HSD17B12: variants seen among roughly 807,000 people sequenced by gnomAD.
The protein encoded by HSD17B12 is hydroxysteroid 17-beta dehydrogenase 12.
A neutral mutation model predicts 39.3 loss-of-function variants in HSD17B12; 32 were observed. The observed-to-expected ratio is 0.81, with a 90% CI of 0.61 to 1.09. HSD17B12 has a LOEUF of 1.09. Among genes scored for constraint, HSD17B12 ranks in the 50% least tolerant of loss-of-function variants. The pLI, the probability that HSD17B12 is intolerant of heterozygous loss-of-function variation, is 0.00. For missense variants in HSD17B12, 342 were observed against 382.9 expected (o/e 0.89, Z 0.89); for synonymous variants, 150 against 146.7 (o/e 1.02, Z -0.16).
At chr11:43,844,301 T>G (rs1040148540) in intron 9 of HSD17B12, among the ~76,000 whole-genome samples, 1 of 152,240 alleles carries the variant, frequency 6.6e-6, no homozygotes. Flanking sequence ...ACTTCTTAAC[T>G]TCTTTCCTAT....
the HSD17B12 span, chr11:43,570,170 C>T: frequency 6.6e-6 from 1 of 152,558 alleles, no homozygotes; most frequent in Non-Finnish European, 1.5e-5. Flanking sequence ...AATGAAGGGA[C>T]CCAGGGTGTA....
upstream of HSD17B12, among the ~76,000 whole-genome samples, chr11:43,676,319 G>T (rs1590648981): frequency 6.6e-6 from 1 of 151,908 alleles, no homozygotes; most frequent in Non-Finnish European, 1.5e-5. Flanking sequence ...CGAATAGGCA[G>T]GTGGATATAT....
At chr11:43,691,476 A>C (rs1013312970) in intron 1 of HSD17B12, among the ~76,000 whole-genome samples, 1 of 152,176 alleles carries the variant, frequency 6.6e-6, no homozygotes, top group Non-Finnish European at 1.5e-5. Flanking sequence ...TTTCCTTTGC[A>C]CATCTAGACA....
chr11:43,837,042 CT>C (rs1251668148), intron 7 of HSD17B12, among the ~76,000 whole-genome samples: 2 of 152,070 alleles, frequency 1.3e-5, no homozygotes, highest in African/African-American at 4.8e-5. Context: ...CTAATAAGGA[CT>C]TCTGTTAAAC....
the HSD17B12 span, among the ~76,000 whole-genome samples, chr11:43,639,616 C>T: frequency 2.0e-5 from 3 of 151,998 alleles, no homozygotes; most frequent in Non-Finnish European, 2.9e-5. Context: ...ATAGAAGGAA[C>T]CTCTGCTTAG....
At chr11:43,767,265 A>G (rs1015930568) in intron 3 of HSD17B12, among the ~76,000 whole-genome samples, 6 of 151,968 alleles carry the variant, frequency 3.9e-5, no homozygotes, top group Non-Finnish European at 8.8e-5. Flanking sequence ...TTAAATGAGT[A>G]CCATTTAAGT....
chr11:43,587,193 A>G, the HSD17B12 span, among the ~76,000 whole-genome samples: 2 of 152,198 alleles, frequency 1.3e-5, no homozygotes, highest in South Asian at 4.1e-4. Flanking sequence ...GCATTCGTTC[A>G]ACAAATGTTT....
chr11:43,712,682 C>G (rs548756620), intron 1 of HSD17B12, among the ~76,000 whole-genome samples: 43 of 152,158 alleles, frequency 2.8e-4, no homozygotes, highest in African/African-American at 1.0e-3. Flanking sequence ...CCCCAACTAT[C>G]TTGGGGTACA....
chr11:43,669,216 A>G, the HSD17B12 span, among the ~76,000 whole-genome samples: 1 of 152,094 alleles, frequency 6.6e-6, no homozygotes, highest in Non-Finnish European at 1.5e-5. Flanking sequence ...ATAGCAATTT[A>G]TTGGCCAGGC....
chr11:43,565,941 CCCCTGA>C, the HSD17B12 span, among the ~76,000 whole-genome samples: 1 of 152,224 alleles, frequency 6.6e-6, no homozygotes, highest in Non-Finnish European at 1.5e-5. Context: ...TGCTCAGTTT[CCCCTGA>C]CCCTTTGAAA....
intron 3 of HSD17B12, among the ~76,000 whole-genome samples, chr11:43,783,047 G>T (rs1398639126): frequency 2.0e-5 from 3 of 152,138 alleles, no homozygotes; most frequent in African/African-American, 4.8e-5. Flanking sequence ...AAAGTAATTG[G>T]CCTGTAATAA....
At chr11:43,668,930 C>T in the HSD17B12 span, among the ~76,000 whole-genome samples, 1 of 152,068 alleles carries the variant, frequency 6.6e-6, no homozygotes, top group Non-Finnish European at 1.5e-5. Flanking sequence ...TGGGCTCAAG[C>T]AATCCTCTAT....
chr11:43,706,686 A>AGG (rs1321678518), intron 1 of HSD17B12, among the ~76,000 whole-genome samples: 14 of 71,238 alleles, frequency 2.0e-4, no homozygotes, highest in African/African-American at 7.8e-4. Context: ...CTGTGAATGA[A>AGG]GGGGTGTGTG....
chr11:43,751,607 A>G (rs1950465557), intron 2 of HSD17B12, among the ~76,000 whole-genome samples: 1 of 152,196 alleles, frequency 6.6e-6, no homozygotes, highest in East Asian at 1.9e-4. Context: ...TCTATTTATC[A>G]TTCTCAAAAG....
At chr11:43,694,308 A>G (rs1407354404) in intron 1 of HSD17B12, among the ~76,000 whole-genome samples, 1 of 152,160 alleles carries the variant, frequency 6.6e-6, no homozygotes, top group Non-Finnish European at 1.5e-5. Context: ...TGTTCTTTCT[A>G]ATTTACTGCC....
intron 3 of HSD17B12, among the ~76,000 whole-genome samples, chr11:43,788,847 AG>A (rs1370458231): frequency 6.6e-6 from 1 of 152,162 alleles, no homozygotes; most frequent in Non-Finnish European, 1.5e-5. Flanking sequence ...CACACTTAGA[AG>A]GGTCCATACT....
At chr11:43,635,802 T>TGTGCTTCTTAAAAA in the HSD17B12 span, among the ~76,000 whole-genome samples, 23,237 of 152,230 alleles carry the variant, frequency 0.15, 2,399 homozygotes, top group African/African-American at 0.29. Context: ...AATGCTTCTT[T>TGTGCTTCTTAAAAA]TGTCTTCTGA....
chr11:43,734,666 A>C (rs1237428286), intron 1 of HSD17B12: 1 of 242,480 alleles, frequency 4.1e-6, no homozygotes, highest in Non-Finnish European at 8.2e-6. Flanking sequence ...ATCACTGTGA[A>C]ATTTCATGAT....
the HSD17B12 span, among the ~76,000 whole-genome samples, chr11:43,631,978 T>G: frequency 0.38 from 57,993 of 151,804 alleles, 12,496 homozygotes; most frequent in East Asian, 0.74. Context: ...GGGCAGCTGG[T>G]CGGTTACTAC....
Sources: allele counts gnomAD v4.1 joint callset (sites outside exome capture counted in the v4.1 genomes callset), GRCh38; gene constraint gnomAD v4.1.1; transcripts MANE v1.5; gene names NCBI Gene and HGNC (gene_info 2026-07-23, HGNC 2026-07-21).